Variants in PDHB observed in about 807,000 individuals in gnomAD.
PDHB encodes the protein pyruvate dehydrogenase E1 subunit beta, also known as pyruvate dehydrogenase E1 component subunit beta, mitochondrial.
Under a neutral mutation model 42.8 loss-of-function variants are expected in PDHB, and 17 were observed. That is an observed-to-expected ratio of 0.40 (90% CI 0.27 to 0.60). The LOEUF is 0.60. Ranked by LOEUF, PDHB falls within the 20% of genes least tolerant of loss-of-function variation. The pLI is 0.46. For synonymous variants in PDHB, 154 were observed against 148.7 expected (o/e 1.04, Z -0.26); for missense variants, 322 against 451.3 (o/e 0.71, Z 2.60).
intron 7 of PDHB, 63 bp from the exon 8 acceptor site, chr3:58,429,862 C>T: frequency 1.0e-6 from 1 of 984,332 alleles, no homozygotes; most frequent in Non-Finnish European, 1.7e-6. Context: ...CACCACTGTG[C>T]CGCCAGCTGT....
intron 8 of PDHB, among the ~76,000 whole-genome samples, 198 bp downstream of exon 8, chr3:58,429,510 A>C (rs1473944358): frequency 2.6e-5 from 4 of 152,138 alleles, no homozygotes; most frequent in Non-Finnish European, 4.4e-5. Flanking sequence ...CTCAAAAAAA[A>C]AGATCCAGAA....
At chr3:58,429,933 G>A (rs1264957604) in intron 7 of PDHB, 134 bp from the exon 8 acceptor site, 1 of 745,778 alleles carries the variant, frequency 1.3e-6, no homozygotes, top group Non-Finnish European at 2.4e-6. Flanking sequence ...GAGGAATGTG[G>A]CAGCCTTCCT....
chr3:58,429,845 G>C, intron 7 of PDHB, 46 bp from the exon 8 acceptor site: 1 of 1,107,902 alleles, frequency 9.0e-7, no homozygotes, highest in Non-Finnish European at 1.4e-6. Context: ...TGAAACTGAA[G>C]ATGCTACACC....
At chr3:58,428,252 G>A in intron 9 of PDHB, 73 bp from the exon 10 acceptor site, 1 of 1,421,978 alleles carries the variant, frequency 7.0e-7, no homozygotes, top group Non-Finnish European at 9.9e-7. Flanking sequence ...CAGAGGTGTG[G>A]CTGACCAGGA....
intron 2 of PDHB, chr3:58,433,327 C>A (rs1165177700): frequency 9.9e-5 from 56 of 565,664 alleles, no homozygotes; most frequent in Non-Finnish European, 1.9e-5. Context: ...TTATACACTT[C>A]TAAAAAGTAC....
intron 2 of PDHB, chr3:58,432,604 G>C (rs2062929371): frequency 6.3e-6 from 1 of 159,252 alleles, no homozygotes. Flanking sequence ...GGCTGAGGCA[G>C]AATTGCTTGA....
intron 6 of PDHB, 118 bp downstream of exon 6, chr3:58,430,539 T>A (rs2062910789): frequency 1.2e-6 from 1 of 857,554 alleles, no homozygotes; most frequent in Admixed American, 2.2e-5. Flanking sequence ...ATATAAAGTA[T>A]TAACATTCTA....
chr3:58,430,339 T>C, intron 6 of PDHB, 101 bp from the exon 7 acceptor site: 1 of 851,804 alleles, frequency 1.2e-6, no homozygotes, highest in Non-Finnish European at 1.9e-6. Flanking sequence ...AGTTTCATTG[T>C]GCTGATTAGC....
chr3:58,433,478 C>T (rs1211198487), intron 2 of PDHB, 153 bp downstream of exon 2: 1 of 803,840 alleles, frequency 1.2e-6, no homozygotes, highest in Non-Finnish European at 2.0e-6. Context: ...CAGGCGGCGA[C>T]AGAGGCAGCA....
Position 58,428,588 on chromosome 3 carries a change from TG to T in PDHB, c.818del (p.Pro273GlnfsTer7). 6.2e-7 allele frequency: 1 copy of T among 1,613,652 alleles called. No homozygotes were observed. The highest frequency in any genetic ancestry group is 8.5e-7 in the Non-Finnish European group (1 of 1,179,532). ...TGGCTTCTATGGTTTCCATGTCCAT[TG>T]GTCTAATGGTACGCATATTTATCAC... ...CEVINMRTIR[P>X]MDMETIEASV... is the part of the protein sequence containing the mutation. On this transcript the variant is annotated frameshift_variant, in exon 9 of 10. Transcript: ENST00000302746. LOFTEE classifies it high-confidence loss of function.
chr3:58,431,329 A>C lies in PDHB; in HGVS notation c.303+264T>G. ...TTTGGGAGGCCAAGGCGGTCGGATCACTTGAGGCCAGGAGTTCAAGACCAG... is the reference window on the plus strand; with the variant it reads ...TTTGGGAGGCCAAGGCGGTCGGATCCCTTGAGGCCAGGAGTTCAAGACCAG... On this transcript the variant is annotated intron_variant, in intron 5 of 9. Coordinates refer to ENST00000302746, the MANE Select transcript of PDHB (RefSeq NM_000925.4). This position sits in a 1 kb window ranked among gnomAD's most constrained non-coding sequence, Gnocchi z 4.4. 2.0e-6 allele frequency: 1 copy of C among 489,702 alleles called. No homozygotes were observed. Among genetic ancestry groups the C allele is most frequent in the Non-Finnish European group, 3.7e-6 (1 of 271,042 alleles). The allele number at this position is 489,702 out of a possible 1,614,324, so 30.3% of individuals were successfully genotyped here. A position where few individuals can be genotyped will look rare whatever the true frequency, so the allele number is the denominator to read the frequency against.
chr3:58,432,166 A>G (rs1342591877), intron 2 of PDHB, 182 bp from the exon 3 acceptor site: 79 of 634,768 alleles, frequency 1.2e-4, no homozygotes, highest in Non-Finnish European at 5.7e-6. Context: ...TGGTCTTTGC[A>G]TGTGTTAATG....
chr3:58,432,012 T>C (rs750473348), intron 2 of PDHB, 28 bp from the exon 3 acceptor site: 6 of 1,482,100 alleles, frequency 4.0e-6, no homozygotes, highest in Admixed American at 3.3e-5. Context: ...AAACAGTCAA[T>C]ACAGAATTGT....
Position 58,433,788 on chromosome 3 carries a change from C to G in PDHB, c.22G>C (p.Val8Leu), listed in dbSNP as rs769880461. The G allele has an allele frequency of 8.1e-6, 13 of 1,611,964 alleles. No individual in the cohort carries two copies. The highest frequency in any genetic ancestry group is 1.0e-5 in the Non-Finnish European group (12 of 1,179,580). The change falls in exon 1 of 10, where the codon GTG becomes CTG. Residue 8 changes from valine (V) to leucine (L), a missense_variant. Coordinates refer to ENST00000302746, the MANE Select transcript of PDHB (RefSeq NM_000925.4). MAAVSGL[V>L]RRPLREVSGL... ...CCTACCTCCCGAAGGGGTCTCCGCA[C>G]CAAGCCAGACACCGCCGCCATCTTG...
At chr3:58,432,868 A>T (rs1389370276) in intron 2 of PDHB, 1 of 151,942 alleles carries the variant, frequency 6.6e-6, no homozygotes, top group Non-Finnish European at 1.5e-5. Flanking sequence ...GTGTGGTGGC[A>T]CCGGCATCTA....
chr3:58,431,335 G>A lies in PDHB; in HGVS notation c.303+258C>T. The stretch of plus-strand genomic sequence containing the variant: ...AGGCCAAGGCGGTCGGATCACTTGA[G>A]GCCAGGAGTTCAAGACCAGCCTGGC... On this transcript the variant is annotated intron_variant, in intron 5 of 9. Transcript: ENST00000302746. This position sits in a 1 kb window ranked among gnomAD's most constrained non-coding sequence, Gnocchi z 4.4. 2.0e-6 allele frequency: 1 copy of A among 497,502 alleles called. No homozygotes were observed. Among genetic ancestry groups the A allele is most frequent in the Middle Eastern group, 5.6e-4 (1 of 1,770 alleles). 30.8% of individuals were successfully genotyped at this position (497,502 alleles called of 1,614,324 possible). A position where few individuals can be genotyped will look rare whatever the true frequency, so the allele number is the denominator to read the frequency against.
chr3:58,432,038 G>A (rs183736416), intron 2 of PDHB, 54 bp from the exon 3 acceptor site: 2 of 1,247,012 alleles, frequency 1.6e-6, no homozygotes, highest in East Asian at 4.6e-5. Flanking sequence ...ATTCAACTAA[G>A]ATTTTCTTCC....
In PDHB at chr3:58,427,829, A is replaced by T; in HGVS notation, c.*205T>A. ...ATTCAAAGAACATGGCAACCGTAAC[A>T]GACAAAAGGAAGCATGGCATCTAGG... On this transcript the variant is annotated 3_prime_UTR_variant, in exon 10 of 10. Transcript: ENST00000302746. The T allele has an allele frequency of 1.5e-6, 1 of 645,184 alleles. No homozygotes were observed. The highest frequency in any genetic ancestry group is 2.8e-6 in the Non-Finnish European group (1 of 350,952). 40.0% of individuals were successfully genotyped at this position (645,184 alleles called of 1,614,324 possible).
chr3:58,428,426 G>C (rs1464962619), intron 9 of PDHB, 47 bp downstream of exon 9: 4 of 1,595,004 alleles, frequency 2.5e-6, no homozygotes, highest in Non-Finnish European at 2.6e-6. Context: ...GGTACATGAT[G>C]TTTACTATAG....
Sources: allele counts gnomAD v4.1 joint callset (sites outside exome capture counted in the v4.1 genomes callset), GRCh38; gene constraint gnomAD v4.1.1; non-coding constraint Gnocchi (gnomAD v3.1); transcripts MANE v1.5; gene names NCBI Gene and HGNC (gene_info 2026-07-23, HGNC 2026-07-21).